Variants in NOMO1 observed in about 807,000 individuals in gnomAD.
NOMO1 encodes the protein NODAL modulator 1, also known as nodal modulator 3.
In NOMO1, 40 loss-of-function variants were observed where a neutral mutation model predicts 133.8. That is an observed-to-expected ratio of 0.30 (90% CI 0.23 to 0.39). The LOEUF (loss-of-function observed/expected upper bound fraction) is 0.39. Ranked by LOEUF, NOMO1 falls within the 10% of genes least tolerant of loss-of-function variation. NOMO1 has a pLI of 1.00. For synonymous variants in NOMO1, 236 were observed against 570.5 expected (o/e 0.41, Z 8.36); for missense variants, 462 against 1,419.9 (o/e 0.33, Z 10.84).
intron 11 of NOMO1, among the ~76,000 whole-genome samples, chr16:14,860,455 G>A (rs1464662676): frequency 5.9e-5 from 9 of 151,938 alleles, no homozygotes; most frequent in Non-Finnish European, 1.3e-4. Context: ...CCTGGCTGCT[G>A]TGTGGAGAAT....
chr16:14,870,074 C>A (rs2561935), intron 16 of NOMO1, among the ~76,000 whole-genome samples: 96,510 of 145,540 alleles, frequency 0.66, 34,866 homozygotes, highest in Admixed American at 0.8. Flanking sequence ...CCAGCCCTGT[C>A]TGCCACTGTC....
chr16:14,859,580 A>G (rs924207751), intron 11 of NOMO1, among the ~76,000 whole-genome samples: 17 of 151,988 alleles, frequency 1.1e-4, no homozygotes, highest in African/African-American at 4.1e-4. Flanking sequence ...TTTGGGAGGC[A>G]GAGGTGGGCG....
At position 14,860,810 on chromosome 16, in the gene NOMO1, T is replaced by C. The variant is rs986750925; in HGVS notation, c.1221-2203T>C. ...TCTGTTTTTTAATTGGCCGACGTAG[T>C]ACATTTGCCTTTTTAGCACACTGAT... is the stretch of plus-strand genomic sequence containing the variant. On this transcript the variant is annotated intron_variant, in intron 11 of 30. Coordinates refer to ENST00000287667, the MANE Select transcript of NOMO1 (RefSeq NM_014287.4). 3.3e-5 allele frequency among the ~76,000 whole-genome samples: 5 copies of C among 152,090 alleles called. 1 individual carries two copies. The highest frequency in any genetic ancestry group is 2.1e-4 in the South Asian group (1 of 4,826).
At chr16:14,858,737 T>C (rs1324780851) in intron 11 of NOMO1, among the ~76,000 whole-genome samples, 2 of 152,040 alleles carry the variant, frequency 1.3e-5, no homozygotes, top group Non-Finnish European at 2.9e-5. Context: ...GTTTTGAGCA[T>C]TAATATAACA....
intron 5 of NOMO1, 110 bp downstream of exon 5, chr16:14,846,793 T>C (rs1344953675): frequency 1.3e-6 from 2 of 1,596,640 alleles, no homozygotes; most frequent in Non-Finnish European, 1.7e-6. Context: ...AGATCCTGAT[T>C]CAGCCTCTTT....
At chr16:14,852,381 C>G in intron 6 of NOMO1, 49 bp from the exon 7 acceptor site, 1 of 1,555,036 alleles carries the variant, frequency 6.4e-7, no homozygotes, top group African/African-American at 1.4e-5. Context: ...TTGTTAGGCA[C>G]TTTGCAAGTG....
chr16:14,855,535 A>G (rs1963821833), intron 9 of NOMO1, among the ~76,000 whole-genome samples: 1 of 151,912 alleles, frequency 6.6e-6, no homozygotes, highest in Non-Finnish European at 1.5e-5. Flanking sequence ...CTTTTAGGTC[A>G]TATGCACAGT....
intron 18 of NOMO1, among the ~76,000 whole-genome samples, chr16:14,874,623 G>A (rs1353424057): frequency 2.0e-5 from 3 of 151,940 alleles, no homozygotes; most frequent in African/African-American, 4.8e-5. Flanking sequence ...CCTTCCCATT[G>A]AAACGTGGAT....
At chr16:14,894,492 C>T (rs1049300671) in intron 29 of NOMO1, among the ~76,000 whole-genome samples, 1 of 151,242 alleles carries the variant, frequency 6.6e-6, no homozygotes, top group Admixed American at 6.6e-5. Flanking sequence ...GGAGAATGGC[C>T]ACAGGGATGC....
intron 1 of NOMO1, among the ~76,000 whole-genome samples, chr16:14,836,913 G>C (rs1376407422): frequency 6.6e-6 from 1 of 151,016 alleles, no homozygotes; most frequent in Non-Finnish European, 1.5e-5. Flanking sequence ...CACCTTGTTA[G>C]CCAGGATGGT....
chr16:14,880,784 A>G (rs1964231368), intron 24 of NOMO1, among the ~76,000 whole-genome samples: 1 of 151,838 alleles, frequency 6.6e-6, no homozygotes, highest in Admixed American at 6.6e-5. Flanking sequence ...AGTATAGTGT[A>G]AAATTTCCCC....
At chr16:14,887,652 C>A (rs1225851726) in intron 28 of NOMO1, among the ~76,000 whole-genome samples, 2 of 152,034 alleles carry the variant, frequency 1.3e-5, no homozygotes, top group Non-Finnish European at 2.9e-5. Flanking sequence ...CTAGGAAACG[C>A]CATGATTTAT....
At chr16:14,892,384 C>T (rs1266520881) in intron 29 of NOMO1, among the ~76,000 whole-genome samples, 1 of 151,614 alleles carries the variant, frequency 6.6e-6, no homozygotes, top group Non-Finnish European at 1.5e-5. Flanking sequence ...TTCTCAGGGG[C>T]CCCTAGCAGA....
At chr16:14,837,682 C>T (rs1955461633) in intron 1 of NOMO1, among the ~76,000 whole-genome samples, 1 of 150,462 alleles carries the variant, frequency 6.6e-6, no homozygotes, top group East Asian at 2.0e-4. Flanking sequence ...ATTTCTGGCC[C>T]TCATTCCAGA....
intron 9 of NOMO1, 99 bp from the exon 10 acceptor site, chr16:14,857,118 G>A (rs1411215051): frequency 1.3e-6 from 2 of 1,534,432 alleles, no homozygotes; most frequent in South Asian, 1.1e-5. Flanking sequence ...GGCGGCAGGA[G>A]CAGACATGGT....
chr16:14,867,669 C>T (rs1964023851), intron 15 of NOMO1, among the ~76,000 whole-genome samples: 1 of 149,038 alleles, frequency 6.7e-6, no homozygotes, highest in Admixed American at 6.7e-5. Flanking sequence ...CGAGCGGCGG[C>T]AGATGTCATC....
chr16:14,843,374 A>G (rs1469448299), intron 3 of NOMO1, among the ~76,000 whole-genome samples: 2 of 150,128 alleles, frequency 1.3e-5, no homozygotes, highest in African/African-American at 2.5e-5. Flanking sequence ...TTTGCTGAGT[A>G]TATCACAGGA....
chr16:14,834,531 A>T (rs1039504452), intron 1 of NOMO1, among the ~76,000 whole-genome samples: 5 of 151,498 alleles, frequency 3.3e-5, no homozygotes, highest in African/African-American at 1.2e-4. Context: ...CATCCCATAG[A>T]TTCTGACCTA....
At chr16:14,884,706 T>C (rs1290806596) in intron 27 of NOMO1, among the ~76,000 whole-genome samples, 1 of 151,750 alleles carries the variant, frequency 6.6e-6, no homozygotes, top group Non-Finnish European at 1.5e-5. Context: ...TGTGGTCCAG[T>C]TTCAGATAAC....
Sources: allele counts gnomAD v4.1 joint callset (sites outside exome capture counted in the v4.1 genomes callset), GRCh38; gene constraint gnomAD v4.1.1; transcripts MANE v1.5; gene names NCBI Gene and HGNC (gene_info 2026-07-23, HGNC 2026-07-21).